DAB2IP: variants seen among roughly 807,000 people sequenced by gnomAD.
DAB2IP encodes disabled homolog 2-interacting protein.
Under a neutral mutation model 107.2 loss-of-function variants are expected in DAB2IP, and 28 were observed. The observed-to-expected ratio is 0.26, with a 90% CI of 0.19 to 0.36. The LOEUF (loss-of-function observed/expected upper bound fraction) is 0.36, where lower values mean the gene tolerates loss of function less well. Ranked by LOEUF, DAB2IP falls within the 10% of genes least tolerant of loss-of-function variation. DAB2IP has a pLI of 1.00. For synonymous variants in DAB2IP, 755 were observed against 706.4 expected (o/e 1.07, Z -1.09); for missense variants, 1,400 against 1,644.7 (o/e 0.85, Z 2.57).
intron 2 of DAB2IP, among the ~76,000 whole-genome samples, chr9:121,687,214 C>T (rs902868792): frequency 3.3e-5 from 5 of 152,172 alleles, no homozygotes; most frequent in Admixed American, 6.5e-5. Flanking sequence ...AGCTCAGATC[C>T]GGGAGCACCT....
chr9:121,607,108 G>C (rs1027346092), intron 1 of DAB2IP, among the ~76,000 whole-genome samples: 2 of 152,074 alleles, frequency 1.3e-5, no homozygotes, highest in Admixed American at 1.3e-4. Context: ...GAACACCTGC[G>C]CAGATGGGTC....
chr9:121,764,116 C>T (rs1834092956), intron 8 of DAB2IP, among the ~76,000 whole-genome samples: 1 of 152,246 alleles, frequency 6.6e-6, no homozygotes, highest in Admixed American at 6.5e-5. Flanking sequence ...AGGGAGCGCC[C>T]TTCATGTGCC....
At chr9:121,584,148 A>G (rs112336258) in intron 1 of DAB2IP, among the ~76,000 whole-genome samples, 1,686 of 152,324 alleles carry the variant, frequency 0.011, 11 homozygotes, top group South Asian at 0.022. Flanking sequence ...ATTGCACTCC[A>G]GCCTGGGCGA....
chr9:121,652,378 C>T (rs1387956362), intron 1 of DAB2IP, among the ~76,000 whole-genome samples: 1 of 152,152 alleles, frequency 6.6e-6, no homozygotes, highest in Admixed American at 6.5e-5. Context: ...AGCGGGTGGG[C>T]GCCAGCTCCT....
upstream of DAB2IP, among the ~76,000 whole-genome samples, chr9:121,647,327 C>G (rs137936710): frequency 4.2e-4 from 64 of 152,324 alleles, no homozygotes; most frequent in East Asian, 0.011. Context: ...AAACACTATG[C>G]TTTATGGGCA....
At chr9:121,695,058 C>A (rs12005338) in intron 2 of DAB2IP, among the ~76,000 whole-genome samples, 3,677 of 152,160 alleles carry the variant, frequency 0.024, 161 homozygotes, top group African/African-American at 0.084. Context: ...TGAATGAAAG[C>A]TGAGGCCTCC....
At chr9:121,778,036 A>G (rs962418348) in intron 14 of DAB2IP, among the ~76,000 whole-genome samples, 2 of 152,176 alleles carry the variant, frequency 1.3e-5, no homozygotes, top group South Asian at 4.1e-4. Flanking sequence ...ATAACAAGGT[A>G]CCTTAGACTG....
At chr9:121,593,673 C>T (rs200100747) in intron 1 of DAB2IP, among the ~76,000 whole-genome samples, 644 of 110,060 alleles carry the variant, frequency 5.9e-3, no homozygotes, top group Middle Eastern at 8.6e-3. Flanking sequence ...CTTTTTTTTT[C>T]TTTTTTTTTT....
At chr9:121,643,629 G>A (rs145593755) in intron 1 of DAB2IP, among the ~76,000 whole-genome samples, 103 of 151,994 alleles carry the variant, frequency 6.8e-4, no homozygotes, top group Middle Eastern at 6.8e-3. Flanking sequence ...TTTTCTGCTC[G>A]CTATGCAGTC....
intron 3 of DAB2IP, among the ~76,000 whole-genome samples, chr9:121,721,939 C>A (rs759437123): frequency 1.2e-4 from 18 of 152,292 alleles, no homozygotes; most frequent in Non-Finnish European, 2.1e-4. Flanking sequence ...GTCATGGAAT[C>A]CTTGCATGCC....
intron 11 of DAB2IP, 33 bp downstream of exon 11, chr9:121,770,757 G>A (rs377002151): frequency 2.7e-5 from 43 of 1,608,302 alleles, no homozygotes; most frequent in Non-Finnish European, 3.5e-5. Context: ...GGTGTGGTGG[G>A]TGCGTGTGCA....
chr9:121,568,811 C>T (rs1482566281), intron 1 of DAB2IP, among the ~76,000 whole-genome samples: 1 of 152,228 alleles, frequency 6.6e-6, no homozygotes, highest in Non-Finnish European at 1.5e-5. Context: ...CAGGAACCCA[C>T]AGTCCCCACT....
intron 1 of DAB2IP, among the ~76,000 whole-genome samples, chr9:121,622,645 G>A (rs772698425): frequency 6.6e-5 from 10 of 152,174 alleles, no homozygotes; most frequent in Non-Finnish European, 8.8e-5. Flanking sequence ...TGGGGCTGCC[G>A]GGTGGATTGA....
intron 2 of DAB2IP, among the ~76,000 whole-genome samples, chr9:121,680,518 C>A (rs763204286): frequency 6.6e-6 from 1 of 152,054 alleles, no homozygotes; most frequent in South Asian, 2.1e-4. Context: ...CTGCAGGGAG[C>A]GCTTGGAGGC....
intron 1 of DAB2IP, among the ~76,000 whole-genome samples, chr9:121,637,183 C>T (rs1290905485): frequency 1.3e-5 from 2 of 152,166 alleles, no homozygotes; most frequent in Admixed American, 6.5e-5. Flanking sequence ...CTTGATTTCC[C>T]CATCTGCAAA....
intron 6 of DAB2IP, among the ~76,000 whole-genome samples, chr9:121,763,051 C>T (rs548054684): frequency 7.2e-5 from 11 of 152,230 alleles, no homozygotes; most frequent in Non-Finnish European, 1.6e-4. Flanking sequence ...TGGGAGCCCC[C>T]ACCAGAGTCA....
At chr9:121,712,176 T>C (rs1039003606) in intron 3 of DAB2IP, among the ~76,000 whole-genome samples, 4 of 152,204 alleles carry the variant, frequency 2.6e-5, no homozygotes, top group Non-Finnish European at 5.9e-5. Context: ...GGGGGCTGGC[T>C]CTGGTGTGTC....
intron 1 of DAB2IP, among the ~76,000 whole-genome samples, chr9:121,567,981 T>C (rs185855457): frequency 2.3e-4 from 33 of 145,642 alleles, no homozygotes; most frequent in African/African-American, 8.2e-4. Context: ...TGCAAGAGTG[T>C]GGCCGAGGCA....
intron 3 of DAB2IP, among the ~76,000 whole-genome samples, chr9:121,739,683 C>T (rs181365657): frequency 1.7e-3 from 257 of 152,264 alleles, no homozygotes; most frequent in East Asian, 3.3e-3. Context: ...ACATTTCAGA[C>T]GTGAAGCTCC....
Sources: gnomAD v4.1 joint callset for allele counts (sites outside exome capture counted in the v4.1 genomes callset) on GRCh38, gnomAD v4.1.1 for gene constraint, MANE v1.5 for transcripts, NCBI Gene and HGNC (gene_info 2026-07-23, HGNC 2026-07-21) for gene names.